Variants in CACNA1D observed in about 807,000 individuals in gnomAD.
CACNA1D encodes the protein calcium voltage-gated channel subunit alpha1 D.
A neutral mutation model predicts 257.1 loss-of-function variants in CACNA1D; 55 were observed. The ratio of observed to expected loss-of-function variants is 0.21; its 90% confidence interval spans 0.17 to 0.27. CACNA1D has a LOEUF of 0.27. CACNA1D is among the 10% of genes least tolerant of loss of function. The probability of loss-of-function intolerance (pLI) is 1.00; values close to 1 mark genes in which losing one functional copy is unlikely to be tolerated. For synonymous variants in CACNA1D, 980 were observed against 1,014.9 expected (o/e 0.97, Z 0.65); for missense variants, 1,876 against 2,784.0 (o/e 0.67, Z 7.34).
At chr3:53,551,932 G>C (rs1037241474) in intron 3 of CACNA1D, among the ~76,000 whole-genome samples, 3 of 152,196 alleles carry the variant, frequency 2.0e-5, no homozygotes, top group African/African-American at 7.2e-5. Flanking sequence ...CCTCATCTGT[G>C]ACCGTTTGTC....
chr3:53,744,055 G>A (rs2095143048), intron 22 of CACNA1D, among the ~76,000 whole-genome samples: 1 of 152,094 alleles, frequency 6.6e-6, no homozygotes, highest in African/African-American at 2.4e-5. Context: ...ATGTGTTCTG[G>A]CCACACTCAG....
rs148403898 is a variant in CACNA1D at position 53,771,088 on chromosome 3, C to T, written c.4044+536C>T. On this transcript the variant is annotated intron_variant, in intron 32 of 47. Transcript: ENST00000350061. ...TGTCTCATTTGTCACCTCTGATTCT[C>T]CAGGCTGGCACAGCTCGGTTCTAGA... 2.3e-3 allele frequency among the ~76,000 whole-genome samples: 347 copies of T among 152,330 alleles called. 2 individuals carry two copies. The highest frequency in any genetic ancestry group is 7.8e-3 in the African/African-American group (326 of 41,576).
Position 53,732,978 on chromosome 3 carries a change from C to T in CACNA1D, c.2621+16C>T. The stretch of plus-strand genomic sequence containing the variant: ...AGACCAACCCGTAAATACTCCCCTT[C>T]TAGTCTCTCACGGCTGCCTCTTGCC... On this transcript the variant is annotated intron_variant, in intron 19 of 47. Coordinates refer to ENST00000350061, the MANE Select transcript of CACNA1D (RefSeq NM_001128840.3). The T allele has an allele frequency of 1.2e-6, 2 of 1,613,810 alleles. No homozygotes were observed. The highest frequency in any genetic ancestry group is 1.7e-6 in the Non-Finnish European group (2 of 1,179,756).
At chr3:53,690,304 T>G (rs962739762) in intron 8 of CACNA1D, among the ~76,000 whole-genome samples, 2 of 152,168 alleles carry the variant, frequency 1.3e-5, no homozygotes, top group African/African-American at 4.8e-5. Context: ...TGCTTTGTCG[T>G]TTTTGTTTTT....
intron 40 of CACNA1D, among the ~76,000 whole-genome samples, chr3:53,799,482 A>G (rs3796349): frequency 0.13 from 19,531 of 152,186 alleles, 2,074 homozygotes; most frequent in African/African-American, 0.25. Context: ...TGACGGGCCC[A>G]GAGGGATCTA....
At chr3:53,557,106 C>G (rs1348002478) in intron 3 of CACNA1D, among the ~76,000 whole-genome samples, 1 of 152,152 alleles carries the variant, frequency 6.6e-6, no homozygotes, top group Non-Finnish European at 1.5e-5. Flanking sequence ...ATGAGTTATA[C>G]TTTTGATGTC....
intron 14 of CACNA1D, among the ~76,000 whole-genome samples, chr3:53,725,785 G>A (rs1044016844): frequency 3.9e-5 from 6 of 152,174 alleles, no homozygotes; most frequent in Admixed American, 6.5e-5. Flanking sequence ...TTGTTTGGTT[G>A]TGATCCATAA....
At chr3:53,601,733 C>G (rs1297313654) in intron 3 of CACNA1D, among the ~76,000 whole-genome samples, 1 of 152,162 alleles carries the variant, frequency 6.6e-6, no homozygotes, top group Non-Finnish European at 1.5e-5. Flanking sequence ...CGGAGTCTCA[C>G]TCTGTCACCC....
chr3:53,696,776 GGT>G (rs1472935287), intron 8 of CACNA1D, among the ~76,000 whole-genome samples: 2 of 152,146 alleles, frequency 1.3e-5, no homozygotes, highest in African/African-American at 4.8e-5. Context: ...CAGAGTATAA[GGT>G]GTGCATTTAT....
chr3:53,512,334 T>G (rs2107255134), intron 3 of CACNA1D, among the ~76,000 whole-genome samples: 1 of 152,286 alleles, frequency 6.6e-6, no homozygotes, highest in Non-Finnish European at 1.5e-5. Context: ...TAGACATCCA[T>G]GGGTTGGTAC....
At chr3:53,784,768 G>A (rs150528887) in intron 39 of CACNA1D, among the ~76,000 whole-genome samples, 15 of 152,314 alleles carry the variant, frequency 9.8e-5, no homozygotes, top group South Asian at 4.1e-4. Flanking sequence ...AGACAACAGC[G>A]TGTCCACTTT....
intron 19 of CACNA1D, among the ~76,000 whole-genome samples, chr3:53,734,176 A>G (rs997549808): frequency 4.6e-5 from 7 of 151,286 alleles, no homozygotes; most frequent in Admixed American, 6.6e-5. Flanking sequence ...CCCAGCATTA[A>G]ATAGGCCCAA....
intron 19 of CACNA1D, among the ~76,000 whole-genome samples, chr3:53,733,916 GTGTGTGTGTGTGTT>G (rs1237139947): frequency 1.9e-5 from 2 of 107,850 alleles, no homozygotes; most frequent in Admixed American, 1.9e-4. Context: ...AGCCCTTTGT[GTGTGTGTGTGTGTT>G]TGTGTGTGTG....
chr3:53,706,983 AACTAT>A (rs2094696725), intron 9 of CACNA1D, among the ~76,000 whole-genome samples: 1 of 152,134 alleles, frequency 6.6e-6, no homozygotes, highest in African/African-American at 2.4e-5. Flanking sequence ...TCTGTTCAGA[AACTAT>A]AAAGTTCTGA....
Position 53,811,097 on chromosome 3 carries a change from C to T in CACNA1D, c.6193-16C>T, listed in dbSNP as rs781380742. 1 of 1,610,972 alleles carries T rather than the reference C, an allele frequency of 6.2e-7. No individual in the cohort carries two copies. Among genetic ancestry groups the T allele is most frequent in the South Asian group, 1.1e-5 (1 of 90,976 alleles). On this transcript the variant is annotated splice_polypyrimidine_tract_variant and intron_variant, in intron 47 of 47. Coordinates refer to ENST00000350061, the MANE Select transcript of CACNA1D (RefSeq NM_001128840.3). The surrounding 1 kb of genome is among the most constrained non-coding windows in gnomAD (Gnocchi z 4.2). ...TTATAACACCCCCATGCCATCCATC[C>T]CTCTTTTCTGTACAGGTCCTGATAT...
At chr3:53,665,222 A>T (rs2094249803) in intron 5 of CACNA1D, among the ~76,000 whole-genome samples, 1 of 152,150 alleles carries the variant, frequency 6.6e-6, no homozygotes, top group Admixed American at 6.6e-5. Context: ...TCTATGTGCT[A>T]CCCCAGGGTA....
intron 47 of CACNA1D, 116 bp downstream of exon 47, chr3:53,810,414 C>T: frequency 1.1e-6 from 1 of 950,188 alleles, no homozygotes; most frequent in South Asian, 1.3e-5. Flanking sequence ...TAGGCTGCCT[C>T]AATCAGACAC....
In CACNA1D at chr3:53,723,115, C is replaced by T. The variant is rs1421706261; in HGVS notation, c.1667-319C>T. On this transcript the variant is annotated intron_variant, in intron 12 of 47. Transcript: ENST00000350061. This position sits in a 1 kb window ranked among gnomAD's most constrained non-coding sequence, Gnocchi z 5.6. ...GATGGTGTCAACGCAGAATCGTAGGCTTTTAGGGCTGGAAGGAGTCAGAGA... is the reference window on the plus strand; with the variant it reads ...GATGGTGTCAACGCAGAATCGTAGGTTTTTAGGGCTGGAAGGAGTCAGAGA... Among the ~76,000 whole-genome samples the T allele has an allele frequency of 6.6e-6, 1 of 152,130 alleles. No homozygotes were observed.
In CACNA1D at chr3:53,495,341, G is replaced by C; in HGVS notation, c.67+108G>C. ...TGGATGGGTTGAGGGGGTTGGAGAG[G>C]GTGCTGCCAGCTCGGTGTCGTCTAC... On this transcript the variant is annotated intron_variant, in intron 1 of 47. Coordinates refer to ENST00000350061, the MANE Select transcript of CACNA1D (RefSeq NM_001128840.3). This position sits in a 1 kb window ranked among gnomAD's most constrained non-coding sequence, Gnocchi z 5.1. The C allele has an allele frequency of 7.5e-7, 1 of 1,326,608 alleles. No homozygotes were observed. Among genetic ancestry groups the C allele is most frequent in the Non-Finnish European group, 1.1e-6 (1 of 922,384 alleles). 82.2% of individuals were successfully genotyped at this position (1,326,608 alleles called of 1,614,324 possible). A position where few individuals can be genotyped will look rare whatever the true frequency, so the allele number is the denominator to read the frequency against.
Sources: gnomAD v4.1 joint callset for allele counts (sites outside exome capture counted in the v4.1 genomes callset) on GRCh38, gnomAD v4.1.1 for gene constraint, Gnocchi (gnomAD v3.1) non-coding constraint, MANE v1.5 for transcripts, NCBI Gene and HGNC (gene_info 2026-07-23, HGNC 2026-07-21) for gene names.